The following LGR6 variants were observed in gnomAD, a reference collection of about 807,000 sequenced individuals.
The protein encoded by LGR6 is leucine-rich repeat-containing G protein-coupled receptor 6.
In LGR6, 45 loss-of-function variants were observed where a neutral mutation model predicts 69.4. The ratio of observed to expected loss-of-function variants is 0.65; its 90% CI spans 0.51 to 0.83. The LOEUF (loss-of-function observed/expected upper bound fraction) is 0.83. Ranked by LOEUF, LGR6 falls within the 40% of genes least tolerant of loss-of-function variation. The probability of loss-of-function intolerance (pLI) is 0.00; values close to 1 mark genes in which losing one functional copy is unlikely to be tolerated. For synonymous variants in LGR6, 538 were observed against 555.0 expected, an observed-to-expected ratio of 0.97 and a Z score of 0.43; for missense variants, 1,108 against 1,246.7, an observed-to-expected ratio of 0.89 and a Z score of 1.68.
chr1:202,276,130 G>T, intron 4 of LGR6, 176 bp from the exon 5 acceptor site: 1 of 586,960 alleles, frequency 1.7e-6, no homozygotes, highest in Non-Finnish European at 3.1e-6. Flanking sequence ...GGTTGGAATG[G>T]AGCCAAATAT....
chr1:202,237,536 G>T (rs530845241), intron 4 of LGR6, among the ~76,000 whole-genome samples: 54 of 152,284 alleles, frequency 3.5e-4, no homozygotes, highest in African/African-American at 1.3e-3. Context: ...AAAAAAAATC[G>T]TGAATCACAT....
At position 202,303,349 on chromosome 1, in the gene LGR6, T is replaced by C; in HGVS notation, c.998+2T>C. ...AGGCACCACCAGCCTGGAGATCCTG[T>C]GAGTGGCTTCTCTCTCCCTACCTTA... is the stretch of plus-strand genomic sequence containing the variant. On this transcript the variant is annotated splice_donor_variant, in intron 10 of 17. Transcript: ENST00000367278. LOFTEE classifies it high-confidence loss of function. The C allele has an allele frequency of 6.2e-7, 1 of 1,611,800 alleles. No homozygotes were observed. Among genetic ancestry groups the C allele is most frequent in the Non-Finnish European group, 8.5e-7 (1 of 1,177,852 alleles).
intron 3 of LGR6, among the ~76,000 whole-genome samples, chr1:202,228,676 T>C (rs149459384): frequency 6.6e-6 from 1 of 152,254 alleles, no homozygotes; most frequent in East Asian, 1.9e-4. Context: ...TTGTTCCAAC[T>C]AAGACTGTCC....
intron 1 of LGR6, among the ~76,000 whole-genome samples, chr1:202,208,820 G>T (rs1444396533): frequency 6.6e-6 from 1 of 152,160 alleles, no homozygotes; most frequent in Non-Finnish European, 1.5e-5. Context: ...CACCTGCTGG[G>T]GGTGGGGCTT....
At position 202,318,207 on chromosome 1, in the gene LGR6, G is replaced by T. The variant is rs749245639; in HGVS notation, c.1904G>T (p.Arg635Leu). Reference sequence around the variant, plus strand: ...GGTCAGTTCTCTGAGTACGGAGCCCGCTGGGAGACGGGGCTAGGCTGCCGG... The same window carrying T: ...GGTCAGTTCTCTGAGTACGGAGCCCTCTGGGAGACGGGGCTAGGCTGCCGG... Reference protein sequence around the residue: ...TFGQFSEYGARWETGLGCRAT... With the variant: ...TFGQFSEYGALWETGLGCRAT... Residue 635 changes from arginine (R) to leucine (L), a missense_variant, in exon 18 of 18, where the codon CGC becomes CTC. Physicochemically the swap from Arg to Leu is moderately radical, Grantham distance 102. Coordinates refer to ENST00000367278, the MANE Select transcript of LGR6 (RefSeq NM_001017403.2). The T allele has an allele frequency of 2.7e-5, 43 of 1,612,476 alleles. No homozygotes were observed. Among genetic ancestry groups the T allele is most frequent in the Non-Finnish European group, 3.5e-5 (41 of 1,179,892 alleles).
intron 16 of LGR6, among the ~76,000 whole-genome samples, chr1:202,311,890 C>T (rs1049152194): frequency 6.6e-6 from 1 of 151,994 alleles, no homozygotes; most frequent in Non-Finnish European, 1.5e-5. Context: ...GAGCCTTCTT[C>T]CCAATGTATT....
chr1:202,288,247 T>A (rs368606144), intron 6 of LGR6, among the ~76,000 whole-genome samples: 138 of 152,310 alleles, frequency 9.1e-4, no homozygotes, highest in African/African-American at 3.2e-3. Flanking sequence ...TTAAGTATCC[T>A]CCCTGGTCAC....
chr1:202,239,659 A>G (rs540679790), intron 4 of LGR6, among the ~76,000 whole-genome samples: 1 of 152,266 alleles, frequency 6.6e-6, no homozygotes, highest in Non-Finnish European at 1.5e-5. Flanking sequence ...GCCAAAGGAA[A>G]GACAGACGGG....
In LGR6 at chr1:202,242,947, C is replaced by T. The variant is rs529864094; in HGVS notation, c.428+6954C>T. On this transcript the variant is annotated intron_variant, in intron 4 of 17. Coordinates refer to ENST00000367278, the MANE Select transcript of LGR6 (RefSeq NM_001017403.2). ...CACTTATTCTCTCACTTAACCCTCA[C>T]AGTACTCTTCTGGGATGGCTACTGC... is the stretch of plus-strand genomic sequence containing the variant. Among the ~76,000 whole-genome samples the T allele has an allele frequency of 3.9e-5, 6 of 152,360 alleles. No homozygotes were observed. The South Asian group carries it at 1.0e-3, about 26-fold the overall frequency.
intron 6 of LGR6, among the ~76,000 whole-genome samples, chr1:202,284,847 C>T (rs187049543): frequency 1.3e-5 from 2 of 152,322 alleles, no homozygotes; most frequent in East Asian, 1.9e-4. Flanking sequence ...GGATGGACCC[C>T]GGGGACAATA....
intron 13 of LGR6, 119 bp downstream of exon 13, chr1:202,307,058 C>A: frequency 1.2e-6 from 1 of 854,648 alleles, no homozygotes; most frequent in Admixed American, 2.0e-5. Flanking sequence ...CATCGCCTCC[C>A]AGCTCCACAG....
intron 7 of LGR6, chr1:202,298,783 A>G: frequency 6.6e-6 from 1 of 152,166 alleles, no homozygotes; most frequent in East Asian, 2.0e-4. Context: ...GCCTCCCAAA[A>G]GTGCTGGGAT....
intron 12 of LGR6, 73 bp from the exon 13 acceptor site, chr1:202,306,795 C>A: frequency 7.3e-7 from 1 of 1,368,300 alleles, no homozygotes; most frequent in Non-Finnish European, 1.0e-6. Flanking sequence ...TTCTTCCTCC[C>A]AGTGCTCGGG....
intron 1 of LGR6, among the ~76,000 whole-genome samples, chr1:202,208,172 C>T (rs1334055047): frequency 2.0e-5 from 3 of 152,156 alleles, no homozygotes; most frequent in African/African-American, 7.2e-5. Context: ...CGCAACCCTC[C>T]TGACTCCAGC....
intron 4 of LGR6, among the ~76,000 whole-genome samples, chr1:202,262,044 C>G (rs1315646808): frequency 6.6e-6 from 1 of 152,148 alleles, no homozygotes; most frequent in African/African-American, 2.4e-5. Flanking sequence ...TGCCTGTTCA[C>G]TCTGATGGTA....
intron 3 of LGR6, among the ~76,000 whole-genome samples, chr1:202,233,091 G>A (rs1661224138): frequency 6.6e-6 from 1 of 152,200 alleles, no homozygotes; most frequent in Non-Finnish European, 1.5e-5. Context: ...CAGGCTGTCT[G>A]GCATAGGATG....
At position 202,204,521 on chromosome 1, in the gene LGR6, C is replaced by G. The variant is rs932634936; in HGVS notation, c.212+10320C>G. Among the ~76,000 whole-genome samples, 47 of 7,190 alleles carry G rather than the reference C, an allele frequency of 6.5e-3. 2 individuals are homozygous for G. Among genetic ancestry groups the G allele is most frequent in the Non-Finnish European group, 0.011 (37 of 3,252 alleles). 4.7% of individuals were successfully genotyped at this position (7,190 alleles called of 152,430 possible). The stretch of plus-strand genomic sequence containing the variant: ...CACACCTCCAAACACACACACACCT[C>G]CAAACACACACACCTCCTTCAAACA... On this transcript the variant is annotated intron_variant, in intron 1 of 17. Coordinates refer to ENST00000367278, the MANE Select transcript of LGR6 (RefSeq NM_001017403.2).
chr1:202,238,895 T>C (rs1661876010), intron 4 of LGR6, among the ~76,000 whole-genome samples: 1 of 152,078 alleles, frequency 6.6e-6, no homozygotes, highest in Admixed American at 6.6e-5. Context: ...CTTGTATCGG[T>C]TGGAATCCCG....
chr1:202,280,407 A>C (rs955506576), intron 5 of LGR6, among the ~76,000 whole-genome samples: 15 of 152,150 alleles, frequency 9.9e-5, no homozygotes, highest in Non-Finnish European at 2.2e-4. Context: ...ACGTCTGGCC[A>C]CTGAGTCAGG....
Sources: allele counts gnomAD v4.1 joint callset (sites outside exome capture counted in the v4.1 genomes callset), GRCh38; gene constraint gnomAD v4.1.1; transcripts MANE v1.5; gene names NCBI Gene and HGNC (gene_info 2026-07-23, HGNC 2026-07-21).